GPC5: variants seen among roughly 807,000 people sequenced by gnomAD.
The protein encoded by GPC5 is glypican-5.
A neutral mutation model predicts 53.9 loss-of-function variants in GPC5; 47 were observed. That is an observed-to-expected ratio of 0.87 (90% CI 0.69 to 1.11). The LOEUF (loss-of-function observed/expected upper bound fraction) is 1.11. Among genes scored for constraint, GPC5 ranks in the 50% most tolerant of loss-of-function variants. The pLI, the probability that GPC5 is intolerant of heterozygous loss-of-function variation, is 0.00. For synonymous variants in GPC5, 286 were observed against 263.3 expected (o/e 1.09, Z -0.84); for missense variants, 748 against 713.1 (o/e 1.05, Z -0.56).
At chr13:92,636,075 T>C (rs1188342113) in intron 7 of GPC5, among the ~76,000 whole-genome samples, 1 of 152,244 alleles carries the variant, frequency 6.6e-6, no homozygotes, top group Non-Finnish European at 1.5e-5. Context: ...TTCACTGTTC[T>C]ATGTGGGCCT....
intron 5 of GPC5, among the ~76,000 whole-genome samples, chr13:91,764,890 C>G (rs117310757): frequency 0.01 from 1,539 of 152,272 alleles, 16 homozygotes; most frequent in Non-Finnish European, 0.013. Flanking sequence ...TGTTTTCTAG[C>G]CTGGCAGGTA....
intron 7 of GPC5, among the ~76,000 whole-genome samples, chr13:92,320,879 A>T (rs34453614): frequency 1.3e-5 from 2 of 152,206 alleles, no homozygotes; most frequent in Non-Finnish European, 2.9e-5. Flanking sequence ...TTTAAAAATC[A>T]ATAATGATCT....
At chr13:92,693,462 A>T (rs1238462862) in intron 7 of GPC5, among the ~76,000 whole-genome samples, 1 of 152,170 alleles carries the variant, frequency 6.6e-6, no homozygotes, top group Non-Finnish European at 1.5e-5. Context: ...GGTGGAGATA[A>T]GTAACTTACT....
chr13:91,728,818 A>G (rs2036633147), intron 4 of GPC5, among the ~76,000 whole-genome samples, 153 bp downstream of exon 4: 1 of 152,082 alleles, frequency 6.6e-6, no homozygotes, highest in African/African-American at 2.4e-5. Flanking sequence ...CAGTGGCTGC[A>G]CCTGTTCCAT....
intron 2 of GPC5, among the ~76,000 whole-genome samples, chr13:91,515,511 G>A (rs373487078): frequency 4.3e-4 from 66 of 152,236 alleles, no homozygotes; most frequent in African/African-American, 1.5e-3. Flanking sequence ...GCTAACAGTG[G>A]TTAAATAACT....
rs541473854 is a variant in GPC5 at position 92,349,145 on chromosome 13, T to C, written c.1561+204156T>C. On this transcript the variant is annotated intron_variant, in intron 7 of 7. Transcript: ENST00000377067. ...CGTCAGGTTTTTAAAAATTTTAATG[T>C]AATTTAATTTAATTTGAGATGGAGT... is the stretch of plus-strand genomic sequence containing the variant. Among the ~76,000 whole-genome samples, 184 of 152,266 alleles carry C rather than the reference T, an allele frequency of 1.2e-3. 1 individual carries two copies. Among genetic ancestry groups the C allele is most frequent in the African/African-American group, 4.3e-3 (177 of 41,546 alleles).
intron 2 of GPC5, among the ~76,000 whole-genome samples, chr13:91,602,411 G>A (rs980558924): frequency 6.6e-6 from 1 of 152,202 alleles, no homozygotes; most frequent in Non-Finnish European, 1.5e-5. Flanking sequence ...AATCATGGAT[G>A]TAATAATGGA....
chr13:92,718,319 T>A (rs1029997179), intron 7 of GPC5, among the ~76,000 whole-genome samples: 2 of 152,062 alleles, frequency 1.3e-5, no homozygotes, highest in Non-Finnish European at 1.5e-5. Context: ...ATCGGCAAAC[T>A]AATGGATAAA....
intron 7 of GPC5, among the ~76,000 whole-genome samples, chr13:92,570,567 T>C (rs1448604972): frequency 6.6e-6 from 1 of 152,092 alleles, no homozygotes; most frequent in Non-Finnish European, 1.5e-5. Flanking sequence ...ATTTTCTGAT[T>C]TCTGGTTAAA....
intron 7 of GPC5, among the ~76,000 whole-genome samples, chr13:92,640,677 CAGAA>C (rs1276942588): frequency 1.3e-5 from 2 of 151,894 alleles, no homozygotes; most frequent in Non-Finnish European, 2.9e-5. Flanking sequence ...CTTTTTGTGC[CAGAA>C]AGAAAGGAAG....
At chr13:92,130,949 A>T (rs188347513) in intron 6 of GPC5, among the ~76,000 whole-genome samples, 137 of 152,092 alleles carry the variant, frequency 9.0e-4, no homozygotes, top group African/African-American at 3.2e-3. Context: ...TAGTAAAAAA[A>T]CAGAAACAGA....
At chr13:91,813,850 AGTT>A (rs2038353958) in intron 5 of GPC5, among the ~76,000 whole-genome samples, 1 of 151,952 alleles carries the variant, frequency 6.6e-6, no homozygotes, top group African/African-American at 2.4e-5. Flanking sequence ...CTCTCACAAA[AGTT>A]AAATCTTGTT....
chr13:91,874,937 G>A (rs1203993543), intron 5 of GPC5, among the ~76,000 whole-genome samples: 1 of 152,142 alleles, frequency 6.6e-6, no homozygotes, highest in African/African-American at 2.4e-5. Flanking sequence ...TGAATTGAGT[G>A]TATGCCCCTT....
chr13:92,587,329 G>C (rs1883570091), intron 7 of GPC5, among the ~76,000 whole-genome samples: 1 of 152,068 alleles, frequency 6.6e-6, no homozygotes, highest in Non-Finnish European at 1.5e-5. Flanking sequence ...TCCTTACAAA[G>C]CTCTGGAGGT....
At chr13:92,043,613 C>T (rs2040958732) in intron 6 of GPC5, among the ~76,000 whole-genome samples, 1 of 152,296 alleles carries the variant, frequency 6.6e-6, no homozygotes, top group African/African-American at 2.4e-5. Flanking sequence ...ATGTAGATCA[C>T]ATAGTCACAG....
chr13:91,571,927 A>ACACACACATACGTGTGTG (rs2031866978), intron 2 of GPC5, among the ~76,000 whole-genome samples: 2 of 127,662 alleles, frequency 1.6e-5, no homozygotes, highest in African/African-American at 6.2e-5. Flanking sequence ...CATATTGTAT[A>ACACACACATACGTGTGTG]TATACACACA....
chr13:92,187,667 C>A (rs567755908), intron 7 of GPC5, among the ~76,000 whole-genome samples: 1 of 152,124 alleles, frequency 6.6e-6, no homozygotes, highest in Admixed American at 6.6e-5. Context: ...GGCTTTAGAA[C>A]ATTTTATTTG....
chr13:92,768,693 G>A (rs569159394), intron 7 of GPC5, among the ~76,000 whole-genome samples: 115 of 151,688 alleles, frequency 7.6e-4, no homozygotes, highest in African/African-American at 2.7e-3. Flanking sequence ...TCCCGAAGCT[G>A]GCCAGTGGGA....
intron 3 of GPC5, among the ~76,000 whole-genome samples, chr13:91,718,269 C>T (rs537520551): frequency 2.5e-4 from 38 of 152,002 alleles, no homozygotes; most frequent in Non-Finnish European, 4.9e-4. Flanking sequence ...TGCCACCACG[C>T]GTGGCTAATT....
Sources: gnomAD v4.1 joint callset for allele counts (sites outside exome capture counted in the v4.1 genomes callset) on GRCh38, gnomAD v4.1.1 for gene constraint, MANE v1.5 for transcripts, NCBI Gene and HGNC (gene_info 2026-07-23, HGNC 2026-07-21) for gene names.